The following NALCN variants were observed in gnomAD, a reference collection of about 807,000 sequenced individuals.
NALCN encodes the protein sodium leak channel, non-selective.
A neutral mutation model predicts 225.3 loss-of-function variants in NALCN; 111 were observed. The observed-to-expected ratio is 0.49, with a 90% CI of 0.42 to 0.58. The LOEUF (loss-of-function observed/expected upper bound fraction) is 0.58. Ranked by LOEUF, NALCN falls within the 20% of genes least tolerant of loss-of-function variation. The pLI, the probability that NALCN is intolerant of heterozygous loss-of-function variation, is 0.00. For missense variants in NALCN, 1,378 were observed against 2,202.4 expected (o/e 0.63, Z 7.49); for synonymous variants, 764 against 769.0 (o/e 0.99, Z 0.11).
chr13:101,320,291 T>A (rs1594670399), intron 7 of NALCN, among the ~76,000 whole-genome samples: 1 of 152,310 alleles, frequency 6.6e-6, no homozygotes, highest in East Asian at 1.9e-4. Flanking sequence ...GTCAAGAAAT[T>A]TGCTAAGCAT....
chr13:101,135,912 AG>A lies in NALCN; in HGVS notation c.2118+7167del, dbSNP rs1414535161. Among the ~76,000 whole-genome samples the A allele has an allele frequency of 3.3e-5, 5 of 152,342 alleles. No homozygotes were observed. The East Asian group carries it at 9.6e-4, about 29-fold the overall frequency. On this transcript the variant is annotated intron_variant, in intron 17 of 43. Transcript: ENST00000251127. The stretch of plus-strand genomic sequence containing the variant: ...TTGATACCTCTTTTGTGCATGATAC[AG>A]AAAATGCGATTAAAAATCTTTTAAA...
At chr13:101,411,640 G>A (rs1366065754) in intron 1 of NALCN, among the ~76,000 whole-genome samples, 4 of 152,114 alleles carry the variant, frequency 2.6e-5, no homozygotes, top group African/African-American at 7.2e-5. Context: ...GAGCCACCGC[G>A]CCCGGCCAGC....
At chr13:101,223,757 C>T (rs1343352158) in intron 13 of NALCN, among the ~76,000 whole-genome samples, 1 of 152,146 alleles carries the variant, frequency 6.6e-6, no homozygotes, top group Non-Finnish European at 1.5e-5. Flanking sequence ...ACCTTTAATG[C>T]TCAGCCCCTT....
intron 10 of NALCN, among the ~76,000 whole-genome samples, chr13:101,274,946 G>T (rs2042922847): frequency 6.6e-6 from 1 of 152,146 alleles, no homozygotes; most frequent in South Asian, 2.1e-4. Flanking sequence ...GAGGGTGGTT[G>T]AGTAGTGGTT....
intron 42 of NALCN, 195 bp from the exon 43 acceptor site, chr13:101,058,251 TGAA>T: frequency 1.8e-6 from 1 of 560,860 alleles, no homozygotes. Context: ...CACGCCCTGC[TGAA>T]GGAGACACCA....
chr13:101,313,372 A>C (rs1423725960), intron 7 of NALCN, among the ~76,000 whole-genome samples: 2 of 152,230 alleles, frequency 1.3e-5, no homozygotes, highest in Non-Finnish European at 2.9e-5. Flanking sequence ...CAGCAAAAGA[A>C]ACCGTCATCA....
chr13:101,197,635 A>G (rs2039945001), intron 13 of NALCN, among the ~76,000 whole-genome samples: 1 of 152,174 alleles, frequency 6.6e-6, no homozygotes, highest in Admixed American at 6.6e-5. Flanking sequence ...CTCCCTGCTG[A>G]TAACTGCACC....
chr13:101,107,838 G>T, intron 20 of NALCN, 49 bp from the exon 21 acceptor site: 1 of 1,485,216 alleles, frequency 6.7e-7, no homozygotes, highest in Non-Finnish European at 9.1e-7. Context: ...GGTTTTGAAT[G>T]CAAAATATAT....
At chr13:101,384,465 T>C (rs1258067358) in intron 3 of NALCN, among the ~76,000 whole-genome samples, 1 of 151,876 alleles carries the variant, frequency 6.6e-6, no homozygotes, top group Non-Finnish European at 1.5e-5. Flanking sequence ...AGGAAACACA[T>C]TTATAGGGAT....
intron 7 of NALCN, among the ~76,000 whole-genome samples, chr13:101,329,969 G>A (rs2045102233): frequency 6.6e-6 from 1 of 151,712 alleles, no homozygotes; most frequent in Non-Finnish European, 1.5e-5. Context: ...AACCCGGGAG[G>A]AGGAGGCTGC....
chr13:101,360,336 G>T (rs72654874), intron 6 of NALCN, among the ~76,000 whole-genome samples: 1 of 151,408 alleles, frequency 6.6e-6, no homozygotes. Context: ...CGGCTCCAAC[G>T]ATTCTTGTGC....
intron 15 of NALCN, among the ~76,000 whole-genome samples, chr13:101,161,409 A>G (rs1466807256): frequency 2.0e-5 from 3 of 152,180 alleles, no homozygotes; most frequent in African/African-American, 7.2e-5. Context: ...CATTCATGCA[A>G]CTGTAGAAAC....
At chr13:101,083,572 G>T in intron 31 of NALCN, 139 bp downstream of exon 31, 1 of 760,158 alleles carries the variant, frequency 1.3e-6, no homozygotes, top group Non-Finnish European at 2.1e-6. Context: ...GAGATCTGTG[G>T]TTTGGAGCCT....
At chr13:101,082,988 C>G (rs2033740186) in intron 32 of NALCN, 104 bp downstream of exon 32, 2 of 1,548,070 alleles carry the variant, frequency 1.3e-6, no homozygotes, top group Admixed American at 3.4e-5. Flanking sequence ...TTAATTTTTA[C>G]ACCCAAGAAC....
At chr13:101,225,589 G>C (rs2041111453) in intron 13 of NALCN, among the ~76,000 whole-genome samples, 1 of 152,158 alleles carries the variant, frequency 6.6e-6, no homozygotes, top group Non-Finnish European at 1.5e-5. Flanking sequence ...AGACCAATTA[G>C]ACTCCTTGCC....
intron 15 of NALCN, among the ~76,000 whole-genome samples, chr13:101,162,429 A>G (rs992386712): frequency 2.0e-5 from 3 of 152,204 alleles, no homozygotes; most frequent in Admixed American, 2.0e-4. Context: ...AAAAAGATCC[A>G]AACGGACTGT....
intron 14 of NALCN, among the ~76,000 whole-genome samples, chr13:101,191,127 C>A (rs753907202): frequency 6.6e-6 from 1 of 151,990 alleles, no homozygotes; most frequent in Non-Finnish European, 1.5e-5. Context: ...GTATTTATTT[C>A]TTGTATTCCT....
At chr13:101,256,764 GC>G (rs2042243045) in intron 11 of NALCN, among the ~76,000 whole-genome samples, 1 of 89,270 alleles carries the variant, frequency 1.1e-5, no homozygotes, top group African/African-American at 3.3e-5. Context: ...GCTTCTTTCT[GC>G]TTTTTTTTTT....
At chr13:101,174,781 G>A (rs1397967271) in intron 15 of NALCN, among the ~76,000 whole-genome samples, 1 of 152,108 alleles carries the variant, frequency 6.6e-6, no homozygotes, top group East Asian at 1.9e-4. Context: ...GGTAGCACTA[G>A]CTAAAAAAAA....
Sources: gnomAD v4.1 joint callset for allele counts (sites outside exome capture counted in the v4.1 genomes callset) on GRCh38, gnomAD v4.1.1 for gene constraint, MANE v1.5 for transcripts, NCBI Gene and HGNC (gene_info 2026-07-23, HGNC 2026-07-21) for gene names.